The following ADK variants were observed in gnomAD, a reference collection of about 807,000 sequenced individuals.
ADK encodes the protein N6,N6-dimethyladenosine kinase.
Under a neutral mutation model 44.7 loss-of-function variants are expected in ADK, and 24 were observed. The observed-to-expected ratio is 0.54, with a 90% CI of 0.39 to 0.76. ADK has a LOEUF of 0.76. Among genes scored for constraint, ADK ranks in the 30% least tolerant of loss-of-function variants. The pLI, the probability that ADK is intolerant of heterozygous loss-of-function variation, is 0.00. For missense variants in ADK, 321 were observed against 425.1 expected (o/e 0.76, Z 2.15); for synonymous variants, 128 against 142.6 (o/e 0.90, Z 0.73).
chr10:74,350,190 A>G (rs189282850), intron 4 of ADK, among the ~76,000 whole-genome samples: 8 of 152,354 alleles, frequency 5.3e-5, no homozygotes, highest in African/African-American at 1.7e-4. Context: ...AGCAAATGCA[A>G]AAGAATGGAA....
At chr10:74,168,608 T>C (rs1348142718) in intron 1 of ADK, among the ~76,000 whole-genome samples, 22 of 151,266 alleles carry the variant, frequency 1.5e-4, no homozygotes, top group Admixed American at 1.5e-3. Flanking sequence ...GTTGAAATGA[T>C]AAAAATAAGG....
intron 3 of ADK, among the ~76,000 whole-genome samples, chr10:74,299,332 TAAA>T (rs35091445): frequency 1.5e-5 from 2 of 134,266 alleles, no homozygotes; most frequent in African/African-American, 5.6e-5. Flanking sequence ...CATCTCTACT[TAAA>T]AAAAAAAAAA....
chr10:74,270,619 G>A (rs1846394562), intron 3 of ADK, among the ~76,000 whole-genome samples: 1 of 151,716 alleles, frequency 6.6e-6, no homozygotes, highest in Non-Finnish European at 1.5e-5. Context: ...GACCCTTGTA[G>A]TCCTTAGACT....
At chr10:74,187,752 A>G (rs1842810184) in intron 1 of ADK, among the ~76,000 whole-genome samples, 1 of 151,972 alleles carries the variant, frequency 6.6e-6, no homozygotes, top group Non-Finnish European at 1.5e-5. Context: ...TGTCTTTTGT[A>G]TTTAGGCCTA....
intron 2 of ADK, among the ~76,000 whole-genome samples, chr10:74,219,269 A>C (rs1326048990): frequency 3.3e-5 from 5 of 151,912 alleles, no homozygotes; most frequent in African/African-American, 1.2e-4. Flanking sequence ...AAAGAGACAA[A>C]GAAGGCCATT....
chr10:74,666,136 A>G (rs1181850470), intron 9 of ADK, among the ~76,000 whole-genome samples: 1 of 152,184 alleles, frequency 6.6e-6, no homozygotes, highest in Non-Finnish European at 1.5e-5. Flanking sequence ...CTCTAATATA[A>G]TTGACTTTCA....
chr10:74,547,056 A>T (rs1292968583), intron 7 of ADK, among the ~76,000 whole-genome samples: 44 of 152,030 alleles, frequency 2.9e-4, no homozygotes. Flanking sequence ...ATTTATTTTT[A>T]TTCCACACAC....
At chr10:74,533,699 A>G (rs1364964959) in intron 7 of ADK, among the ~76,000 whole-genome samples, 1 of 152,204 alleles carries the variant, frequency 6.6e-6, no homozygotes, top group African/African-American at 2.4e-5. Flanking sequence ...TGGTACAACT[A>G]CTTTGGAGAA....
chr10:74,670,299 A>G, intron 10 of ADK, 30 bp downstream of exon 10: 1 of 1,535,306 alleles, frequency 6.5e-7, no homozygotes, highest in East Asian at 2.3e-5. Context: ...ATTCTTACTT[A>G]CAAGTAAAAC....
At chr10:74,306,061 G>A (rs762115524) in intron 3 of ADK, among the ~76,000 whole-genome samples, 1 of 150,944 alleles carries the variant, frequency 6.6e-6, no homozygotes, top group African/African-American at 2.4e-5. Flanking sequence ...TTTCTGCACC[G>A]CACTTCTTTT....
At chr10:74,487,210 C>T (rs1030898680) in intron 6 of ADK, among the ~76,000 whole-genome samples, 1 of 151,932 alleles carries the variant, frequency 6.6e-6, no homozygotes, top group Non-Finnish European at 1.5e-5. Context: ...GTAGTTAACC[C>T]TATTATCATT....
intron 4 of ADK, among the ~76,000 whole-genome samples, chr10:74,385,317 A>G (rs1332575905): frequency 6.6e-6 from 1 of 152,156 alleles, no homozygotes; most frequent in Non-Finnish European, 1.5e-5. Flanking sequence ...TTGAGTAGGT[A>G]TTTGGATATT....
intron 1 of ADK, among the ~76,000 whole-genome samples, chr10:74,189,356 T>C (rs1842883518): frequency 6.6e-6 from 1 of 152,186 alleles, no homozygotes; most frequent in South Asian, 2.1e-4. Flanking sequence ...GATAAGTTGT[T>C]TATCATTTTA....
At chr10:74,275,879 G>A (rs548245749) in intron 3 of ADK, among the ~76,000 whole-genome samples, 166 of 152,196 alleles carry the variant, frequency 1.1e-3, no homozygotes, top group African/African-American at 3.9e-3. Flanking sequence ...GACCTCAGGT[G>A]ATCTGCCTGC....
intron 7 of ADK, among the ~76,000 whole-genome samples, chr10:74,555,882 A>G (rs1850229455): frequency 6.6e-6 from 1 of 152,144 alleles, no homozygotes; most frequent in Admixed American, 6.5e-5. Context: ...AACCCCTTGG[A>G]AAAGACTAGG....
intron 1 of ADK, among the ~76,000 whole-genome samples, chr10:74,196,070 C>T (rs147825724): frequency 2.0e-5 from 3 of 152,038 alleles, no homozygotes; most frequent in African/African-American, 4.8e-5. Flanking sequence ...TCCCAAAGTG[C>T]TGGGATTACA....
intron 7 of ADK, among the ~76,000 whole-genome samples, chr10:74,582,399 C>T (rs2133898966): frequency 6.6e-6 from 1 of 152,230 alleles, no homozygotes; most frequent in South Asian, 2.1e-4. Flanking sequence ...CCTCTTTCTT[C>T]TTGTTCTTTA....
chr10:74,172,968 G>A (rs1842210924), intron 1 of ADK, among the ~76,000 whole-genome samples: 1 of 150,968 alleles, frequency 6.6e-6, no homozygotes, highest in African/African-American at 2.4e-5. Context: ...TCTTTGGTGT[G>A]GCTTCAATTT....
rs375528060 is a variant in ADK at position 74,250,497 on chromosome 10, A to G, written c.194+25906A>G. ...AACGTAGGTTCAGGCCGAATTGTGAAAAGTTTTATATACAAGGTTAAAGTT... is the reference window on the plus strand; with the variant it reads ...AACGTAGGTTCAGGCCGAATTGTGAGAAGTTTTATATACAAGGTTAAAGTT... On this transcript the variant is annotated intron_variant, in intron 3 of 10. Coordinates refer to ENST00000539909, the MANE Select transcript of ADK (RefSeq NM_006721.4). Among the ~76,000 whole-genome samples, 4 of 152,328 alleles carry G rather than the reference A, an allele frequency of 2.6e-5. No individual in the cohort carries two copies. In the East Asian group the frequency reaches 7.7e-4, roughly 29 times the overall value.
Sources: allele counts gnomAD v4.1 joint callset (sites outside exome capture counted in the v4.1 genomes callset), GRCh38; gene constraint gnomAD v4.1.1; transcripts MANE v1.5; gene names NCBI Gene and HGNC (gene_info 2026-07-23, HGNC 2026-07-21).